The following PPFIA2 variants were observed in gnomAD, a reference collection of about 807,000 sequenced individuals.
PPFIA2 encodes the protein liprin-alpha-2.
In PPFIA2, 46 loss-of-function variants were observed where a neutral mutation model predicts 175.5. That is an observed-to-expected ratio of 0.26 (90% CI 0.21 to 0.34). The LOEUF (loss-of-function observed/expected upper bound fraction) is 0.34. PPFIA2 is among the 10% of genes least tolerant of loss of function. PPFIA2 has a pLI of 1.00. For synonymous variants in PPFIA2, 568 were observed against 511.4 expected (o/e 1.11, Z -1.49); for missense variants, 1,179 against 1,506.1 (o/e 0.78, Z 3.60).
intron 4 of PPFIA2, among the ~76,000 whole-genome samples, chr12:81,460,151 G>T (rs1400100502): frequency 6.6e-6 from 1 of 151,996 alleles, no homozygotes; most frequent in Non-Finnish European, 1.5e-5. Flanking sequence ...ACATTGAATT[G>T]TAACAATCCC....
chr12:81,756,212 G>A (rs1475769121), intron 2 of PPFIA2, among the ~76,000 whole-genome samples: 1 of 152,060 alleles, frequency 6.6e-6, no homozygotes, highest in African/African-American at 2.4e-5. Context: ...ATAGCATCAT[G>A]ACAATTTGTG....
At chr12:81,722,769 T>A (rs2153631018) in intron 3 of PPFIA2, among the ~76,000 whole-genome samples, 1 of 151,054 alleles carries the variant, frequency 6.6e-6, no homozygotes, top group South Asian at 2.1e-4. Flanking sequence ...AATCACCTCA[T>A]TTCAACTCTC....
chr12:81,312,492 A>G (rs2051178368), intron 22 of PPFIA2: 4 of 335,640 alleles, frequency 1.2e-5, no homozygotes, highest in Admixed American at 4.5e-5. Flanking sequence ...AATCTTGGTA[A>G]AGGACATTCT....
chr12:81,661,216 A>G (rs1170806150), intron 4 of PPFIA2, among the ~76,000 whole-genome samples: 1 of 152,216 alleles, frequency 6.6e-6, no homozygotes, highest in African/African-American at 2.4e-5. Context: ...CTTAAATGTA[A>G]ATGAGCTAAA....
chr12:81,618,626 T>C (rs1359208001), intron 4 of PPFIA2, among the ~76,000 whole-genome samples: 1 of 150,244 alleles, frequency 6.7e-6, no homozygotes, highest in Non-Finnish European at 1.5e-5. Context: ...CCTCCCAGGT[T>C]CACGCCATTC....
intron 13 of PPFIA2, chr12:81,368,232 T>C: frequency 9.0e-7 from 1 of 1,113,518 alleles, no homozygotes; most frequent in Non-Finnish European, 1.2e-6. Context: ...ATTTCTGAAA[T>C]AATGCAGCTG....
chr12:81,361,632 C>A (rs1321156642), intron 15 of PPFIA2, among the ~76,000 whole-genome samples: 1 of 151,474 alleles, frequency 6.6e-6, no homozygotes, highest in African/African-American at 2.4e-5. Flanking sequence ...ATTTGAGAAT[C>A]TGAAAAATGC....
chr12:81,420,054 A>G (rs1490864644), intron 7 of PPFIA2, among the ~76,000 whole-genome samples: 5 of 152,220 alleles, frequency 3.3e-5, no homozygotes, highest in African/African-American at 9.6e-5. Context: ...ACCAGTGCTG[A>G]CCTCAGCTGA....
At chr12:81,736,252 C>A (rs1187424810) in intron 3 of PPFIA2, among the ~76,000 whole-genome samples, 1 of 152,086 alleles carries the variant, frequency 6.6e-6, no homozygotes, top group African/African-American at 2.4e-5. Context: ...CTTCACTATA[C>A]AAGCCTTGCA....
chr12:81,334,007 T>C (rs2056646583), intron 21 of PPFIA2, among the ~76,000 whole-genome samples: 1 of 152,228 alleles, frequency 6.6e-6, no homozygotes, highest in African/African-American at 2.4e-5. Context: ...ATGTCATGAG[T>C]GATGGCTTGC....
intron 8 of PPFIA2, among the ~76,000 whole-genome samples, chr12:81,392,720 C>T (rs1392320345): frequency 6.6e-6 from 1 of 151,966 alleles, no homozygotes; most frequent in Non-Finnish European, 1.5e-5. Flanking sequence ...TCACACTTGG[C>T]TGTCAAACAG....
At chr12:81,462,233 T>C (rs913836010) in intron 4 of PPFIA2, among the ~76,000 whole-genome samples, 1 of 139,114 alleles carries the variant, frequency 7.2e-6, no homozygotes, top group African/African-American at 2.5e-5. Flanking sequence ...AATGACATTA[T>C]TGTCTGCCAT....
intron 3 of PPFIA2, among the ~76,000 whole-genome samples, chr12:81,693,296 G>T (rs1596456646): frequency 6.6e-6 from 1 of 152,070 alleles, no homozygotes; most frequent in East Asian, 1.9e-4. Flanking sequence ...GTGGTGTTTG[G>T]ATCATGGGGG....
At chr12:81,705,924 T>C (rs1043156309) in intron 3 of PPFIA2, among the ~76,000 whole-genome samples, 1 of 152,246 alleles carries the variant, frequency 6.6e-6, no homozygotes, top group African/African-American at 2.4e-5. Context: ...CAGATAGGTA[T>C]TTAGCACTTG....
At chr12:81,391,672 A>G (rs895338874) in intron 8 of PPFIA2, among the ~76,000 whole-genome samples, 7 of 151,946 alleles carry the variant, frequency 4.6e-5, no homozygotes. Context: ...GTTAGATTTG[A>G]ATTTTCAATA....
intron 27 of PPFIA2, among the ~76,000 whole-genome samples, chr12:81,281,035 T>A (rs180790583): frequency 6.6e-6 from 1 of 152,174 alleles, no homozygotes; most frequent in Admixed American, 6.5e-5. Context: ...TACACATATA[T>A]TTCCATAAAC....
intron 7 of PPFIA2, among the ~76,000 whole-genome samples, chr12:81,406,571 C>T (rs1359390541): frequency 6.6e-6 from 1 of 151,946 alleles, no homozygotes; most frequent in Non-Finnish European, 1.5e-5. Flanking sequence ...AATTAAAAAA[C>T]AAATTCTCGG....
intron 8 of PPFIA2, among the ~76,000 whole-genome samples, chr12:81,394,313 A>C (rs1178550130): frequency 2.0e-5 from 3 of 152,022 alleles, no homozygotes; most frequent in Non-Finnish European, 2.9e-5. Flanking sequence ...ATAGTCAAAA[A>C]AGAGCTCAAC....
At chr12:81,419,054 A>T (rs925527285) in intron 7 of PPFIA2, among the ~76,000 whole-genome samples, 1 of 152,076 alleles carries the variant, frequency 6.6e-6, no homozygotes, top group African/African-American at 2.4e-5. Flanking sequence ...TCAGTATATA[A>T]AAATAGTTTT....
Sources: gnomAD v4.1 joint callset for allele counts (sites outside exome capture counted in the v4.1 genomes callset) on GRCh38, gnomAD v4.1.1 for gene constraint, MANE v1.5 for transcripts, NCBI Gene and HGNC (gene_info 2026-07-23, HGNC 2026-07-21) for gene names.